Variants in CACNA1A observed in about 807,000 individuals in gnomAD.
The protein encoded by CACNA1A is voltage-dependent P/Q-type calcium channel subunit alpha-1A.
Under a neutral mutation model 262.4 loss-of-function variants are expected in CACNA1A, and 57 were observed. The observed-to-expected ratio is 0.22, with a 90% confidence interval of 0.18 to 0.27. The LOEUF (loss-of-function observed/expected upper bound fraction) is 0.27. Among genes scored for constraint, CACNA1A ranks in the 10% least tolerant of loss-of-function variants. The pLI is 1.00. For synonymous variants in CACNA1A, 1,431 were observed against 1,419.3 expected (o/e 1.01, Z -0.18); for missense variants, 2,526 against 3,562.8 (o/e 0.71, Z 7.41).
Position 13,207,140 on chromosome 19 carries a change from T to G in CACNA1A, c.*173A>C. 1.5e-6 allele frequency: 1 copy of G among 657,268 alleles called. No individual in the cohort carries two copies. The highest frequency in any genetic ancestry group is 2.3e-6 in the Non-Finnish European group (1 of 434,890). 40.7% of individuals were successfully genotyped at this position (657,268 alleles called of 1,614,324 possible). A position where few individuals can be genotyped will look rare whatever the true frequency, so the allele number is the denominator to read the frequency against. ...CAGGAGGGTCTCTTTTGGCCGAGGG[T>G]CTCTGCGGGACACCCTTGTGGCCCA... On this transcript the variant is annotated 3_prime_UTR_variant, in exon 47 of 47. Coordinates refer to ENST00000360228, the MANE Select transcript of CACNA1A (RefSeq NM_001127222.2). This position sits in a 1 kb window ranked among gnomAD's most constrained non-coding sequence, Gnocchi z 5.7.
At chr19:13,309,252 C>G (rs944477206) in intron 12 of CACNA1A, among the ~76,000 whole-genome samples, 17 of 152,176 alleles carry the variant, frequency 1.1e-4, no homozygotes, top group African/African-American at 3.9e-4. Context: ...TCGTGATCCG[C>G]CTGCCTCGGC....
intron 6 of CACNA1A, among the ~76,000 whole-genome samples, chr19:13,337,772 C>A (rs1209663793): frequency 6.6e-6 from 1 of 152,152 alleles, no homozygotes; most frequent in Non-Finnish European, 1.5e-5. Flanking sequence ...GTTGTGCAAA[C>A]ATCATGGAGT....
intron 3 of CACNA1A, among the ~76,000 whole-genome samples, chr19:13,392,030 C>CAAAAAAAAAA (rs137905773): frequency 4.7e-5 from 4 of 84,698 alleles, no homozygotes; most frequent in Non-Finnish European, 6.7e-5. Flanking sequence ...GACCATGTCT[C>CAAAAAAAAAA]AAAAAAAAAA....
intron 38 of CACNA1A, among the ~76,000 whole-genome samples, chr19:13,217,436 T>G (rs2144555700): frequency 6.6e-6 from 1 of 152,300 alleles, no homozygotes; most frequent in Non-Finnish European, 1.5e-5. Context: ...AAGCGCGTTA[T>G]GTTCTCCTGA....
Position 13,439,449 on chromosome 19 carries a change from G to A in CACNA1A, c.539+13427C>T, listed in dbSNP as rs112893746. On this transcript the variant is annotated intron_variant, in intron 3 of 46. Transcript: ENST00000360228. ...GAGTCTCGTTCTGTCGCCCAGGCTGGAGTGCAGTGGTGCCATCTCAGCTCA... is the reference window on the plus strand; with the variant it reads ...GAGTCTCGTTCTGTCGCCCAGGCTGAAGTGCAGTGGTGCCATCTCAGCTCA... Among the ~76,000 whole-genome samples the A allele has an allele frequency of 3.0e-3, 443 of 148,570 alleles. 1 individual carries two copies. The highest frequency in any genetic ancestry group is 0.01 in the African/African-American group (417 of 40,050).
At chr19:13,235,382 A>C in intron 32 of CACNA1A, 108 bp from the exon 33 acceptor site, 1 of 1,101,286 alleles carries the variant, frequency 9.1e-7, no homozygotes, top group Non-Finnish European at 1.4e-6. Flanking sequence ...GCCATATGCC[A>C]CGTGCCAGAG....
intron 24 of CACNA1A, among the ~76,000 whole-genome samples, chr19:13,263,708 A>G (rs2056794471): frequency 6.6e-6 from 1 of 151,818 alleles, no homozygotes. Context: ...TTTAGTAGAG[A>G]TGGGGCTTCA....
intron 3 of CACNA1A, among the ~76,000 whole-genome samples, chr19:13,444,381 G>A (rs987395101): frequency 2.0e-5 from 3 of 152,168 alleles, no homozygotes; most frequent in African/African-American, 7.2e-5. Flanking sequence ...ACATGTGAAG[G>A]CAACTAAGAG....
chr19:13,335,482 C>T (rs1162932323), intron 7 of CACNA1A, among the ~76,000 whole-genome samples: 3 of 151,992 alleles, frequency 2.0e-5, no homozygotes, highest in African/African-American at 7.2e-5. Flanking sequence ...GGATAGAGGA[C>T]AATATGGGTC....
At chr19:13,321,041 C>CT (rs55743628) in intron 10 of CACNA1A, among the ~76,000 whole-genome samples, 16 of 117,282 alleles carry the variant, frequency 1.4e-4, no homozygotes, top group South Asian at 1.1e-3. Flanking sequence ...TTTTTTTTTT[C>CT]TTTTTTTTTT....
chr19:13,505,086 G>T (rs1433233797), intron 1 of CACNA1A, among the ~76,000 whole-genome samples: 1 of 152,140 alleles, frequency 6.6e-6, no homozygotes, highest in Non-Finnish European at 1.5e-5. Flanking sequence ...CTCTAAAATG[G>T]ACCCACCACC....
At chr19:13,356,587 C>T (rs144464668) in intron 6 of CACNA1A, among the ~76,000 whole-genome samples, 5 of 152,296 alleles carry the variant, frequency 3.3e-5, no homozygotes, top group African/African-American at 4.8e-5. Flanking sequence ...CCACTGGGCA[C>T]GCCCCCAGCA....
chr19:13,240,894 G>A (rs2056063390), intron 31 of CACNA1A, among the ~76,000 whole-genome samples: 1 of 152,250 alleles, frequency 6.6e-6, no homozygotes, highest in African/African-American at 2.4e-5. Flanking sequence ...CAGTGGGCCA[G>A]CCCCACATGA....
At chr19:13,464,648 ACGCCATTCTC>A (rs1469115945) in intron 1 of CACNA1A, among the ~76,000 whole-genome samples, 1 of 147,240 alleles carries the variant, frequency 6.8e-6, no homozygotes, top group Non-Finnish European at 1.5e-5. Flanking sequence ...TCCCAGGTTC[ACGCCATTCTC>A]CTGCCTCAGC....
intron 46 of CACNA1A, 62 bp from the exon 47 acceptor site, chr19:13,208,115 C>G: frequency 1.0e-6 from 1 of 994,034 alleles, no homozygotes. Flanking sequence ...AAAGGAGACA[C>G]GGGATTGGGA....
Position 13,214,351 on chromosome 19 carries a change from G to A in CACNA1A, c.5840-18C>T, listed in dbSNP as rs1262402068. ...GTCCGTGGCTGGGGGCACACACACG[G>A]TGAGCTCACCAAGGGCAGGCCTCTT... On this transcript the variant is annotated intron_variant, in intron 39 of 46. Coordinates refer to ENST00000360228, the MANE Select transcript of CACNA1A (RefSeq NM_001127222.2). The surrounding 1 kb of genome is among the most constrained non-coding windows in gnomAD (Gnocchi z 4.1). 1 of 1,610,882 alleles carries A rather than the reference G, an allele frequency of 6.2e-7. No individual in the cohort carries two copies. The highest frequency in any genetic ancestry group is 8.5e-7 in the Non-Finnish European group (1 of 1,178,392).
At chr19:13,285,240 C>T (rs1336217154) in intron 20 of CACNA1A, 34 bp from the exon 21 acceptor site, 1 of 1,611,828 alleles carries the variant, frequency 6.2e-7, no homozygotes, top group Non-Finnish European at 8.5e-7. Flanking sequence ...GGGCTCCCTC[C>T]ACAATTTCCC....
chr19:13,210,390 G>C (rs951457414), intron 44 of CACNA1A, among the ~76,000 whole-genome samples: 2 of 152,184 alleles, frequency 1.3e-5, no homozygotes, highest in African/African-American at 4.8e-5. Flanking sequence ...GAAGAAAAGG[G>C]GGTAGGGGTG....
At chr19:13,259,312 C>CTTTTTTT (rs74181818) in intron 27 of CACNA1A, 1,050 of 51,900 alleles carry the variant, frequency 0.02, 264 homozygotes, top group Non-Finnish European at 0.029. Context: ...TGCCTGGCAG[C>CTTTTTTT]TTTTTTTTTT....
Sources: allele counts gnomAD v4.1 joint callset (sites outside exome capture counted in the v4.1 genomes callset), GRCh38; gene constraint gnomAD v4.1.1; non-coding constraint Gnocchi (gnomAD v3.1); transcripts MANE v1.5; gene names NCBI Gene and HGNC (gene_info 2026-07-23, HGNC 2026-07-21).